Variants in CDK5RAP2 observed in about 807,000 individuals in gnomAD.
The protein encoded by CDK5RAP2 is CDK5 regulatory subunit associated protein 2.
In CDK5RAP2, 147 loss-of-function variants were observed where a neutral mutation model predicts 232.9. The observed-to-expected ratio is 0.63, with a 90% CI of 0.55 to 0.72. The LOEUF (loss-of-function observed/expected upper bound fraction) is 0.72. CDK5RAP2 is among the 30% of genes least tolerant of loss of function. The pLI, the probability that CDK5RAP2 is intolerant of heterozygous loss-of-function variation, is 0.00. For synonymous variants in CDK5RAP2, 833 were observed against 833.7 expected, an observed-to-expected ratio of 1.00 and a Z score of 0.01; for missense variants, 2,195 against 2,231.5, an observed-to-expected ratio of 0.98 and a Z score of 0.33.
chr9:120,410,141 T>TC (rs1370118954), intron 29 of CDK5RAP2, among the ~76,000 whole-genome samples: 1 of 152,140 alleles, frequency 6.6e-6, no homozygotes, highest in Non-Finnish European at 1.5e-5. Flanking sequence ...TTCTCCGTTT[T>TC]CCAGATAAGA....
chr9:120,504,916 A>G (rs985810968), intron 12 of CDK5RAP2, among the ~76,000 whole-genome samples: 1 of 152,176 alleles, frequency 6.6e-6, no homozygotes, highest in African/African-American at 2.4e-5. Flanking sequence ...ACAAGGCCCA[A>G]TTTGATTACT....
chr9:120,497,800 A>G (rs1265229548), intron 12 of CDK5RAP2, among the ~76,000 whole-genome samples: 1 of 152,164 alleles, frequency 6.6e-6, no homozygotes, highest in Non-Finnish European at 1.5e-5. Flanking sequence ...CATAATGTAA[A>G]AGAGTCTTGG....
chr9:120,572,683 C>T (rs567603034), intron 1 of CDK5RAP2, among the ~76,000 whole-genome samples: 2 of 152,182 alleles, frequency 1.3e-5, no homozygotes, highest in South Asian at 4.2e-4. Flanking sequence ...AAGACACTAC[C>T]CTGATCTATT....
At chr9:120,531,678 G>A (rs1222363447) in intron 7 of CDK5RAP2, among the ~76,000 whole-genome samples, 2 of 152,010 alleles carry the variant, frequency 1.3e-5, no homozygotes, top group African/African-American at 2.4e-5. Context: ...TAGCCTTTCT[G>A]CAGCTAAACC....
intron 28 of CDK5RAP2, among the ~76,000 whole-genome samples, chr9:120,414,640 C>T (rs545850321): frequency 4.3e-4 from 65 of 152,154 alleles, no homozygotes; most frequent in African/African-American, 1.4e-3. Flanking sequence ...CCTATGCCAG[C>T]GGGGTGGCGG....
chr9:120,477,538 A>G (rs1588441204), intron 14 of CDK5RAP2, 88 bp from the exon 15 acceptor site: 1 of 1,054,834 alleles, frequency 9.5e-7, no homozygotes, highest in East Asian at 2.4e-5. Context: ...AGCTAGTCCC[A>G]GTTTTTAAAA....
intron 2 of CDK5RAP2, among the ~76,000 whole-genome samples, chr9:120,571,058 C>T (rs1406516474): frequency 6.8e-6 from 1 of 146,800 alleles, no homozygotes; most frequent in East Asian, 1.9e-4. Context: ...ACTAGGGAGA[C>T]TGAGATGGAG....
At chr9:120,476,741 C>T (rs938384575) in intron 15 of CDK5RAP2, among the ~76,000 whole-genome samples, 2 of 151,242 alleles carry the variant, frequency 1.3e-5, no homozygotes, top group Non-Finnish European at 2.9e-5. Context: ...CCTGTGTGTA[C>T]AGACACATGG....
intron 31 of CDK5RAP2, chr9:120,407,541 T>C (rs1465772644): frequency 2.3e-6 from 1 of 442,218 alleles, no homozygotes; most frequent in Non-Finnish European, 4.2e-6. Flanking sequence ...TAAAATCTAT[T>C]TGGGCTAGAA....
intron 34 of CDK5RAP2, 72 bp from the exon 35 acceptor site, chr9:120,400,957 A>C: frequency 3.2e-6 from 5 of 1,552,850 alleles, no homozygotes; most frequent in Non-Finnish European, 4.4e-6. Context: ...CTTAACATGC[A>C]GTATAAATCT....
rs1366266383 is a variant in CDK5RAP2 at position 120,460,580 on chromosome 9, T to A, written c.2194A>T (p.Ser732Cys). Reference sequence around the variant, plus strand: ...AACTGAAAGGTTCCTACCTCATTACTCTGCTGCAAATGCTGGTCACTCAGG... The same window carrying A: ...AACTGAAAGGTTCCTACCTCATTACACTGCTGCAAATGCTGGTCACTCAGG... ...NFLSDQHLQQSNEIMKDLSKG... is the reference protein window; with the variant it reads ...NFLSDQHLQQCNEIMKDLSKG... Residue 732 changes from serine (S) to cysteine (C), a missense_variant, in exon 19 of 38, where the codon AGT becomes TGT. Ser to Cys is a moderately radical substitution (Grantham distance 112). Coordinates refer to ENST00000349780, the MANE Select transcript of CDK5RAP2 (RefSeq NM_018249.6). 1 of 1,614,114 alleles carries A rather than the reference T, an allele frequency of 6.2e-7. No homozygotes were observed. The highest frequency in any genetic ancestry group is 8.5e-7 in the Non-Finnish European group (1 of 1,179,962).
At chr9:120,564,511 ATC>A (rs1564383676) in intron 3 of CDK5RAP2, among the ~76,000 whole-genome samples, 5 of 151,710 alleles carry the variant, frequency 3.3e-5, no homozygotes, top group African/African-American at 9.7e-5. Flanking sequence ...AAAATAAAAA[ATC>A]ATACAACTAT....
At position 120,536,435 on chromosome 9, in the gene CDK5RAP2, GA is replaced by G; in HGVS notation, c.598del (p.Ser200GlnfsTer3). 1 of 1,614,148 alleles carries G rather than the reference GA, an allele frequency of 6.2e-7. No individual in the cohort carries two copies. The highest frequency in any genetic ancestry group is 1.3e-5 in the African/African-American group (1 of 75,046). Reference protein sequence around the residue: ...ALRLRLESKLSEMKKMHEGDL... With the variant: ...ALRLRLESKLXEMKKMHEGDL... ...CCCCTCGTGCATCTTCTTCATCTCTGAAAGCTTGCTTTCCAAACGCAACCGA... is the reference window on the plus strand; with the variant it reads ...CCCCTCGTGCATCTTCTTCATCTCTGAAGCTTGCTTTCCAAACGCAACCGA... On this transcript the variant is annotated frameshift_variant, in exon 7 of 38. Transcript: ENST00000349780. LOFTEE classifies it high-confidence loss of function.
intron 11 of CDK5RAP2, among the ~76,000 whole-genome samples, chr9:120,521,751 T>C (rs1038914476): frequency 2.7e-5 from 4 of 148,754 alleles, no homozygotes; most frequent in Non-Finnish European, 4.5e-5. Flanking sequence ...GTTCACACCA[T>C]TCTCCTGCCT....
At chr9:120,509,104 A>G (rs529470957) in intron 12 of CDK5RAP2, among the ~76,000 whole-genome samples, 39 of 152,334 alleles carry the variant, frequency 2.6e-4, no homozygotes, top group South Asian at 2.3e-3. Context: ...GAGATTCTCC[A>G]GAGTTTCTCA....
chr9:120,501,281 T>A lies in CDK5RAP2; in HGVS notation c.1312-9804A>T, dbSNP rs1364183016. Among the ~76,000 whole-genome samples, 4 of 152,232 alleles carry A rather than the reference T, an allele frequency of 2.6e-5. No homozygotes were observed. In the East Asian group the frequency reaches 7.7e-4, roughly 29 times the overall value. ...TCTCCAGGTTGCTCCCTTACTTTCT[T>A]CAAGTGTGTGCTCAGCCATCATCTT... On this transcript the variant is annotated intron_variant, in intron 12 of 37. Coordinates refer to ENST00000349780, the MANE Select transcript of CDK5RAP2 (RefSeq NM_018249.6).
intron 2 of CDK5RAP2, among the ~76,000 whole-genome samples, chr9:120,568,676 T>C (rs1379279108): frequency 6.6e-6 from 1 of 152,204 alleles, no homozygotes; most frequent in Non-Finnish European, 1.5e-5. Context: ...TGTACTTCCT[T>C]ATTTCATGAA....
At chr9:120,575,732 C>T (rs150604093) in intron 1 of CDK5RAP2, among the ~76,000 whole-genome samples, 93 of 152,222 alleles carry the variant, frequency 6.1e-4, no homozygotes, top group African/African-American at 2.1e-3. Context: ...ATCTAGAACC[C>T]GCCTAGGAGG....
At chr9:120,469,475 C>T (rs1384061993) in intron 17 of CDK5RAP2, among the ~76,000 whole-genome samples, 1 of 152,182 alleles carries the variant, frequency 6.6e-6, no homozygotes, top group African/African-American at 2.4e-5. Flanking sequence ...GAATCTTAGT[C>T]ACACATACAT....
Sources: allele counts gnomAD v4.1 joint callset (sites outside exome capture counted in the v4.1 genomes callset), GRCh38; gene constraint gnomAD v4.1.1; transcripts MANE v1.5; gene names NCBI Gene and HGNC (gene_info 2026-07-23, HGNC 2026-07-21).